The following FA2H variants were observed in gnomAD, a reference collection of about 807,000 sequenced individuals.
FA2H encodes the protein fatty acid 2-hydroxylase, also known as fatty acid alpha-hydroxylase.
A neutral mutation model predicts 44.9 loss-of-function variants in FA2H; 22 were observed. The observed-to-expected ratio is 0.49, with a 90% confidence interval of 0.35 to 0.70. The LOEUF (loss-of-function observed/expected upper bound fraction) is 0.70. Ranked by LOEUF, FA2H falls within the 30% of genes least tolerant of loss-of-function variation. FA2H has a pLI of 0.01. For missense variants in FA2H, 501 were observed against 504.9 expected, an observed-to-expected ratio of 0.99 and a Z score of 0.07; for synonymous variants, 243 against 213.2, an observed-to-expected ratio of 1.14 and a Z score of -1.22.
At chr16:74,742,448 T>C (rs1218343641) in intron 1 of FA2H, among the ~76,000 whole-genome samples, 5 of 152,242 alleles carry the variant, frequency 3.3e-5, no homozygotes, top group African/African-American at 2.4e-5. Context: ...AGATTCTCAG[T>C]GCCCTTCGGC....
At chr16:74,726,134 C>T (rs1466795020) in intron 4 of FA2H, 91 bp downstream of exon 4, 5 of 851,334 alleles carry the variant, frequency 5.9e-6, no homozygotes, top group Non-Finnish European at 1.0e-5. Flanking sequence ...GTTTGGGGTT[C>T]TGTGCTCTCA....
intron 1 of FA2H, among the ~76,000 whole-genome samples, chr16:74,769,307 G>A (rs1962862569): frequency 6.6e-6 from 1 of 151,918 alleles, no homozygotes; most frequent in Non-Finnish European, 1.5e-5. Context: ...ATGTTGCCCA[G>A]GCTGGTCTCA....
chr16:74,735,431 G>A (rs1464587271), intron 2 of FA2H, among the ~76,000 whole-genome samples: 1 of 152,230 alleles, frequency 6.6e-6, no homozygotes, highest in Non-Finnish European at 1.5e-5. Flanking sequence ...CAGGGGATGT[G>A]AGGACAGGGA....
At chr16:74,771,054 G>C (rs890776232) in intron 1 of FA2H, among the ~76,000 whole-genome samples, 2 of 152,116 alleles carry the variant, frequency 1.3e-5, no homozygotes, top group African/African-American at 4.8e-5. Flanking sequence ...TCAGGATGGT[G>C]TTGCGAGGAC....
Position 74,774,803 on chromosome 16 carries a change from G to T in FA2H, c.-48C>A, listed in dbSNP as rs990806971. Reference sequence around the variant, plus strand: ...CGCGCAGCCCGGCGTCTGCTCTGCTGCCACCCTGAGCGCCTCTAACATCCC... The same window carrying T: ...CGCGCAGCCCGGCGTCTGCTCTGCTTCCACCCTGAGCGCCTCTAACATCCC... On this transcript the variant is annotated 5_prime_UTR_variant, in exon 1 of 7. Transcript: ENST00000219368. 2 of 1,259,078 alleles carry T rather than the reference G, an allele frequency of 1.6e-6. No individual in the cohort carries two copies. Among genetic ancestry groups the T allele is most frequent in the Non-Finnish European group, 2.0e-6 (2 of 1,006,266 alleles). The allele number at this position is 1,259,078 out of a possible 1,614,324, so 78.0% of individuals were successfully genotyped here.
intron 1 of FA2H, among the ~76,000 whole-genome samples, chr16:74,772,156 T>A (rs1962922269): frequency 2.0e-5 from 3 of 152,142 alleles, no homozygotes; most frequent in African/African-American, 7.2e-5. Context: ...CCCACATCCC[T>A]GTCTTTGCCC....
intron 1 of FA2H, among the ~76,000 whole-genome samples, chr16:74,772,032 C>T (rs1962918726): frequency 6.6e-6 from 1 of 151,668 alleles, no homozygotes; most frequent in African/African-American, 2.4e-5. Flanking sequence ...CTCACTGCAA[C>T]CTCCACCTCC....
intron 4 of FA2H, among the ~76,000 whole-genome samples, chr16:74,722,206 T>C (rs1028314052): frequency 3.3e-5 from 5 of 149,378 alleles, no homozygotes; most frequent in Non-Finnish European, 6.0e-5. Context: ...GACTTTCCCA[T>C]CATGGACTCA....
intron 1 of FA2H, among the ~76,000 whole-genome samples, chr16:74,753,868 T>C (rs928911689): frequency 9.9e-5 from 15 of 152,194 alleles, no homozygotes; most frequent in African/African-American, 3.6e-4. Context: ...GATTTACATT[T>C]TGTAGGTTTG....
intron 1 of FA2H, among the ~76,000 whole-genome samples, chr16:74,761,445 T>A (rs530347768): frequency 5.8e-4 from 83 of 142,012 alleles, no homozygotes; most frequent in African/African-American, 2.1e-3. Flanking sequence ...AGAGCAAGAC[T>A]CTGTCTCAAA....
At chr16:74,755,754 A>G (rs1344534015) in intron 1 of FA2H, among the ~76,000 whole-genome samples, 1 of 152,164 alleles carries the variant, frequency 6.6e-6, no homozygotes, top group Non-Finnish European at 1.5e-5. Context: ...AGTCTTTATA[A>G]GGCTTGTGTA....
chr16:74,742,501 G>C (rs551569407), intron 1 of FA2H, among the ~76,000 whole-genome samples: 2 of 152,186 alleles, frequency 1.3e-5, no homozygotes, highest in East Asian at 3.8e-4. Flanking sequence ...AAGTATATAA[G>C]ACTGGTATGA....
chr16:74,756,581 G>C (rs1029389032), intron 1 of FA2H, among the ~76,000 whole-genome samples: 1 of 152,114 alleles, frequency 6.6e-6, no homozygotes, highest in Admixed American at 6.6e-5. Context: ...TAGCGGAGCA[G>C]AGTCTTGGCT....
At chr16:74,763,842 T>C (rs1439383632) in intron 1 of FA2H, among the ~76,000 whole-genome samples, 1 of 152,254 alleles carries the variant, frequency 6.6e-6, no homozygotes, top group Admixed American at 6.5e-5. Context: ...CTAGTTTTAC[T>C]GTAACAGGAT....
At chr16:74,723,482 C>T (rs1961883442) in intron 4 of FA2H, among the ~76,000 whole-genome samples, 1 of 152,140 alleles carries the variant, frequency 6.6e-6, no homozygotes, top group African/African-American at 2.4e-5. Context: ...GTCCACAGTC[C>T]CCACCGTGAA....
intron 4 of FA2H, chr16:74,725,902 AG>A (rs1284288646): frequency 2.7e-6 from 1 of 376,030 alleles, no homozygotes; most frequent in Non-Finnish European, 5.1e-6. Flanking sequence ...TTCTTAGCAA[AG>A]AATCCCACAT....
intron 5 of FA2H, among the ~76,000 whole-genome samples, chr16:74,718,554 C>G (rs778686303): frequency 1.2e-4 from 19 of 152,146 alleles, no homozygotes; most frequent in Non-Finnish European, 2.2e-4. Context: ...CTTAGTCCTC[C>G]TAGGCCTCAG....
At chr16:74,717,448 A>G (rs1961731936) in intron 5 of FA2H, among the ~76,000 whole-genome samples, 1 of 152,080 alleles carries the variant, frequency 6.6e-6, no homozygotes, top group Non-Finnish European at 1.5e-5. Flanking sequence ...AGGGAGGGGG[A>G]AATAAAGGGA....
At chr16:74,736,705 G>C (rs1321242145) in intron 2 of FA2H, among the ~76,000 whole-genome samples, 1 of 152,220 alleles carries the variant, frequency 6.6e-6, no homozygotes, top group Non-Finnish European at 1.5e-5. Context: ...CCTGAGGAAG[G>C]ATGGGGAAGA....
Sources: allele counts gnomAD v4.1 joint callset (sites outside exome capture counted in the v4.1 genomes callset), GRCh38; gene constraint gnomAD v4.1.1; transcripts MANE v1.5; gene names NCBI Gene and HGNC (gene_info 2026-07-23, HGNC 2026-07-21).